Variants in PCDH15 observed in about 807,000 individuals in gnomAD.
The protein encoded by PCDH15 is protocadherin-15.
In PCDH15, 129 loss-of-function variants were observed where a neutral mutation model predicts 178.5. That is an observed-to-expected ratio of 0.72 (90% CI 0.63 to 0.84). PCDH15 has a LOEUF of 0.84. Among genes scored for constraint, PCDH15 ranks in the 40% least tolerant of loss-of-function variants. The pLI is 0.00. For synonymous variants in PCDH15, 800 were observed against 732.0 expected (o/e 1.09, Z -1.50); for missense variants, 2,230 against 2,099.9 (o/e 1.06, Z -1.21).
At chr10:54,748,994 T>G (rs1945835212) in intron 1 of PCDH15, among the ~76,000 whole-genome samples, 2 of 152,202 alleles carry the variant, frequency 1.3e-5, no homozygotes, top group African/African-American at 4.8e-5. Context: ...TTAAGGGAAC[T>G]ATATTCTGTA....
intron 2 of PCDH15, among the ~76,000 whole-genome samples, chr10:55,496,824 A>G (rs912331272): frequency 9.2e-5 from 14 of 151,832 alleles, no homozygotes; most frequent in African/African-American, 3.1e-4. Context: ...GTTTTAAACT[A>G]ATGTTTCAAT....
chr10:55,244,874 T>C (rs535845003), intron 1 of PCDH15, among the ~76,000 whole-genome samples: 1 of 151,950 alleles, frequency 6.6e-6, no homozygotes, highest in African/African-American at 2.4e-5. Flanking sequence ...ATCGAAGATA[T>C]GGTAAGTCTA....
chr10:54,378,174 C>T (rs1486420122), intron 4 of PCDH15, among the ~76,000 whole-genome samples: 1 of 152,070 alleles, frequency 6.6e-6, no homozygotes, highest in Non-Finnish European at 1.5e-5. Flanking sequence ...GTTCTCCCCA[C>T]TGGGCCTCCC....
chr10:53,934,831 T>C lies in PCDH15; in HGVS notation c.3373+3984A>G, dbSNP rs377300040. ...CCTTGTGCTCCAGCATAAGTTCCAATAACGCCTGGAGTCTGGGAAATTTTC... is the reference window on the plus strand; with the variant it reads ...CCTTGTGCTCCAGCATAAGTTCCAACAACGCCTGGAGTCTGGGAAATTTTC... On this transcript the variant is annotated intron_variant, in intron 25 of 37. Coordinates refer to ENST00000644397, the MANE Select transcript of PCDH15 (RefSeq NM_001384140.1). Among the ~76,000 whole-genome samples, 5 of 152,066 alleles carry C rather than the reference T, an allele frequency of 3.3e-5. No homozygotes were observed. The East Asian group carries it at 9.7e-4, about 29-fold the overall frequency.
intron 2 of PCDH15, among the ~76,000 whole-genome samples, chr10:54,532,416 G>C (rs1386024848): frequency 1.3e-5 from 2 of 152,006 alleles, no homozygotes; most frequent in Admixed American, 6.6e-5. Context: ...CCTTGACTAG[G>C]TAAGGTTTCC....
At chr10:54,009,703 G>C (rs1392545184) in intron 20 of PCDH15, among the ~76,000 whole-genome samples, 1 of 152,198 alleles carries the variant, frequency 6.6e-6, no homozygotes, top group Admixed American at 6.5e-5. Context: ...GTGGCACAGA[G>C]TCAGGGGAGT....
chr10:55,331,359 T>C (rs1844194120), intron 2 of PCDH15, among the ~76,000 whole-genome samples: 1 of 152,054 alleles, frequency 6.6e-6, no homozygotes, highest in Non-Finnish European at 1.5e-5. Context: ...TTGGATCAAC[T>C]TTTGTCTTAT....
In PCDH15 at chr10:54,169,704, T is replaced by C. The variant is rs190712006; in HGVS notation, c.1590+13740A>G. The stretch of plus-strand genomic sequence containing the variant: ...GACCAATCATGCACCCCTTACCATC[T>C]CATTAAAACCTAATCACCCTTACCC... On this transcript the variant is annotated intron_variant, in intron 13 of 37. Coordinates refer to ENST00000644397, the MANE Select transcript of PCDH15 (RefSeq NM_001384140.1). Among the ~76,000 whole-genome samples, 42 of 151,734 alleles carry C rather than the reference T, an allele frequency of 2.8e-4. No individual in the cohort carries two copies. The South Asian group carries it at 3.3e-3, about 12-fold the overall frequency.
chr10:54,226,459 G>T (rs1236251770), intron 9 of PCDH15, among the ~76,000 whole-genome samples: 2 of 152,124 alleles, frequency 1.3e-5, no homozygotes, highest in Non-Finnish European at 2.9e-5. Flanking sequence ...CAGCACTTTG[G>T]GAGGCTGAGG....
intron 1 of PCDH15, among the ~76,000 whole-genome samples, chr10:55,223,902 A>G (rs1840954347): frequency 6.6e-6 from 1 of 152,158 alleles, no homozygotes. Context: ...TACCGCACAT[A>G]GTACTGAAGC....
chr10:54,428,147 T>C (rs1417764711), intron 3 of PCDH15, among the ~76,000 whole-genome samples: 13 of 152,178 alleles, frequency 8.5e-5, no homozygotes, highest in Non-Finnish European at 1.5e-4. Context: ...CAGCTGACCA[T>C]TCACATCTGT....
chr10:55,067,561 G>C (rs2132007383), intron 2 of PCDH15, among the ~76,000 whole-genome samples: 1 of 151,464 alleles, frequency 6.6e-6, no homozygotes, highest in East Asian at 1.9e-4. Context: ...GTTTCTCTTT[G>C]GTATATTGAT....
chr10:54,830,018 G>A (rs1953197116), intron 3 of PCDH15, among the ~76,000 whole-genome samples: 1 of 152,052 alleles, frequency 6.6e-6, no homozygotes, highest in Non-Finnish European at 1.5e-5. Context: ...CAGGAAGAGA[G>A]TTCTCATTTT....
At chr10:55,442,878 G>A (rs1201605285) in intron 2 of PCDH15, among the ~76,000 whole-genome samples, 5 of 151,828 alleles carry the variant, frequency 3.3e-5, no homozygotes, top group African/African-American at 4.8e-5. Context: ...TGTGTATCAC[G>A]TTTTGTCCCA....
At chr10:54,296,560 G>A (rs958526897) in intron 8 of PCDH15, among the ~76,000 whole-genome samples, 5 of 150,844 alleles carry the variant, frequency 3.3e-5, no homozygotes, top group South Asian at 2.1e-4. Context: ...CTAGTTTCTC[G>A]TATAAGAATG....
At chr10:53,932,962 C>T (rs2085209002) in intron 25 of PCDH15, among the ~76,000 whole-genome samples, 1 of 151,924 alleles carries the variant, frequency 6.6e-6, no homozygotes, top group African/African-American at 2.4e-5. Context: ...TGGCACCTTC[C>T]CCCACCACTC....
intron 14 of PCDH15, among the ~76,000 whole-genome samples, chr10:54,136,579 T>C (rs1317067406): frequency 6.6e-6 from 1 of 152,172 alleles, no homozygotes; most frequent in Non-Finnish European, 1.5e-5. Flanking sequence ...AAACTACACT[T>C]ATTATACTTT....
intron 21 of PCDH15, among the ~76,000 whole-genome samples, chr10:53,972,160 C>T (rs562051857): frequency 3.7e-4 from 57 of 152,186 alleles, no homozygotes; most frequent in Non-Finnish European, 5.6e-4. Flanking sequence ...TGATCTTTGA[C>T]GAATGTGACC....
chr10:55,078,477 C>A (rs1255295295), intron 2 of PCDH15, among the ~76,000 whole-genome samples: 1 of 152,022 alleles, frequency 6.6e-6, no homozygotes, highest in Non-Finnish European at 1.5e-5. Flanking sequence ...TATGATGACC[C>A]ATATATTATG....
Sources: allele counts gnomAD v4.1 joint callset (sites outside exome capture counted in the v4.1 genomes callset), GRCh38; gene constraint gnomAD v4.1.1; transcripts MANE v1.5; gene names NCBI Gene and HGNC (gene_info 2026-07-23, HGNC 2026-07-21).